Variants in HUNK observed in about 807,000 individuals in gnomAD.
HUNK encodes hormonally up-regulated neu tumor-associated kinase.
Under a neutral mutation model 61.0 loss-of-function variants are expected in HUNK, and 21 were observed. That is an observed-to-expected ratio of 0.34 (90% CI 0.24 to 0.50). The LOEUF is 0.50. Ranked by LOEUF, HUNK falls within the 20% of genes least tolerant of loss-of-function variation. The probability of loss-of-function intolerance (pLI) is 0.98; values close to 1 mark genes in which losing one functional copy is unlikely to be tolerated. For missense variants in HUNK, 772 were observed against 945.7 expected (o/e 0.82, Z 2.41); for synonymous variants, 371 against 386.1 (o/e 0.96, Z 0.46).
At chr21:31,883,632 G>A (rs1436061320) in intron 1 of HUNK, among the ~76,000 whole-genome samples, 1 of 152,124 alleles carries the variant, frequency 6.6e-6, no homozygotes, top group African/African-American at 2.4e-5. Flanking sequence ...TTTCTTGGGA[G>A]TTCATGAACT....
chr21:31,973,581 G>GTGGTGA (rs1555880856), intron 6 of HUNK, among the ~76,000 whole-genome samples: 4 of 150,202 alleles, frequency 2.7e-5, no homozygotes, highest in Non-Finnish European at 4.4e-5. Flanking sequence ...GATGGTGGTG[G>GTGGTGA]TGATGATGAT....
Position 31,999,946 on chromosome 21 carries a change from AGCAATTC to A in HUNK, c.*763_*769del. 1 of 393,488 alleles carries A rather than the reference AGCAATTC, an allele frequency of 2.5e-6. No homozygotes were observed. The highest frequency in any genetic ancestry group is 4.5e-6 in the Non-Finnish European group (1 of 223,206). The allele number at this position is 393,488 out of a possible 1,614,324, so 24.4% of individuals were successfully genotyped here. ...TTAAAACTTGGATGGAGAGATGAGA[AGCAATTC>A]CACCAAACTCATGTTTTCACAGGAG... On this transcript the variant is annotated 3_prime_UTR_variant, in exon 11 of 11. Coordinates refer to ENST00000270112, the MANE Select transcript of HUNK (RefSeq NM_014586.2).
At chr21:31,900,908 A>G (rs776851718) in intron 1 of HUNK, among the ~76,000 whole-genome samples, 1 of 152,160 alleles carries the variant, frequency 6.6e-6, no homozygotes, top group African/African-American at 2.4e-5. Context: ...GTAACCCAGA[A>G]GGAGCTGGAA....
intron 4 of HUNK, among the ~76,000 whole-genome samples, chr21:31,949,357 C>T (rs550810051): frequency 6.6e-5 from 10 of 152,252 alleles, no homozygotes; most frequent in Non-Finnish European, 8.8e-5. Flanking sequence ...CAGCCCCTCC[C>T]GGCAGCTAAT....
At chr21:31,969,406 C>G (rs969419901) in intron 6 of HUNK, among the ~76,000 whole-genome samples, 1 of 152,194 alleles carries the variant, frequency 6.6e-6, no homozygotes, top group Middle Eastern at 3.2e-3. Context: ...TCCCTATGAA[C>G]TTTCCGTGAA....
intron 1 of HUNK, among the ~76,000 whole-genome samples, chr21:31,899,641 C>T (rs1485848122): frequency 2.0e-5 from 3 of 152,160 alleles, no homozygotes; most frequent in Non-Finnish European, 1.5e-5. Context: ...TGTTCTAAAC[C>T]AAACTCGTTG....
chr21:31,907,797 C>T (rs2052516581), intron 1 of HUNK, among the ~76,000 whole-genome samples: 1 of 152,094 alleles, frequency 6.6e-6, no homozygotes, highest in Non-Finnish European at 1.5e-5. Flanking sequence ...TGAGACCAGC[C>T]TGGCCAACAT....
intron 1 of HUNK, among the ~76,000 whole-genome samples, chr21:31,886,361 C>T (rs966808604): frequency 6.0e-5 from 9 of 149,526 alleles, no homozygotes; most frequent in South Asian, 2.1e-4. Flanking sequence ...GGGAGGCGGA[C>T]GTTGCAGCGA....
rs2053254060 is a variant in HUNK, at chr21:32,002,632, T to C, written c.*3448T>C. The C allele has an allele frequency of 6.6e-6, 1 of 152,220 alleles. No homozygotes were observed. The highest frequency in any genetic ancestry group is 1.5e-5 in the Non-Finnish European group (1 of 68,050). 9.4% of individuals were successfully genotyped at this position (152,220 alleles called of 1,614,324 possible). ...AAGAATGGCAGTTATGAACGTGACT[T>C]CTAGATTTTGTCCTTGTAGGAGGCC... On this transcript the variant is annotated 3_prime_UTR_variant, in exon 11 of 11. Coordinates refer to ENST00000270112, the MANE Select transcript of HUNK (RefSeq NM_014586.2).
At chr21:31,915,856 G>A (rs573438487) in intron 1 of HUNK, among the ~76,000 whole-genome samples, 72 of 152,190 alleles carry the variant, frequency 4.7e-4, no homozygotes, top group African/African-American at 1.7e-3. Flanking sequence ...ATAGAGTTCA[G>A]CCTTCTTTTT....
chr21:31,906,209 A>G (rs2052504137), intron 1 of HUNK, among the ~76,000 whole-genome samples: 1 of 152,166 alleles, frequency 6.6e-6, no homozygotes, highest in South Asian at 2.1e-4. Context: ...CTTGGCCACC[A>G]TTATTATCCC....
intron 2 of HUNK, among the ~76,000 whole-genome samples, chr21:31,934,227 G>A (rs569729208): frequency 6.6e-6 from 1 of 152,048 alleles, no homozygotes; most frequent in South Asian, 2.1e-4. Context: ...AGGCTGAGGC[G>A]GGCGGATCAC....
At chr21:31,941,166 A>C (rs1364788230) in intron 3 of HUNK, among the ~76,000 whole-genome samples, 1 of 152,198 alleles carries the variant, frequency 6.6e-6, no homozygotes, top group African/African-American at 2.4e-5. Flanking sequence ...ATTAAACACC[A>C]CTGATAGGTG....
intron 3 of HUNK, among the ~76,000 whole-genome samples, chr21:31,942,558 A>C (rs1229488912): frequency 6.6e-6 from 1 of 152,184 alleles, no homozygotes; most frequent in African/African-American, 2.4e-5. Flanking sequence ...CAGTCAAGTG[A>C]GGAAATTATA....
chr21:31,907,645 G>C (rs2052515444), intron 1 of HUNK, among the ~76,000 whole-genome samples: 1 of 152,124 alleles, frequency 6.6e-6, no homozygotes, highest in South Asian at 2.1e-4. Flanking sequence ...AAGTAGAGAG[G>C]AGTCACAACC....
rs1255826451 is a variant in HUNK, at chr21:32,000,449, T to A, written c.*1265T>A. The A allele has an allele frequency of 5.0e-6, 2 of 399,044 alleles. No individual in the cohort carries two copies. Among genetic ancestry groups the A allele is most frequent in the African/African-American group, 2.1e-5 (1 of 48,640 alleles). 24.7% of individuals were successfully genotyped at this position (399,044 alleles called of 1,614,324 possible). On this transcript the variant is annotated 3_prime_UTR_variant, in exon 11 of 11. Coordinates refer to ENST00000270112, the MANE Select transcript of HUNK (RefSeq NM_014586.2). The stretch of plus-strand genomic sequence containing the variant: ...TGTCTGTGCCCCTGTGTGTGTTTTG[T>A]GGACAGCCGTGTTGTCTGACTGTAT...
intron 4 of HUNK, among the ~76,000 whole-genome samples, chr21:31,955,146 C>T (rs928013675): frequency 6.6e-6 from 1 of 152,154 alleles, no homozygotes; most frequent in Non-Finnish European, 1.5e-5. Flanking sequence ...GAGGACGAAC[C>T]ACACGCTATT....
chr21:31,959,031 A>C, intron 5 of HUNK, 61 bp downstream of exon 5: 5 of 1,425,038 alleles, frequency 3.5e-6, no homozygotes, highest in Non-Finnish European at 4.7e-6. Flanking sequence ...GTTCGGGTCT[A>C]CCTGTGAAAC....
intron 1 of HUNK, among the ~76,000 whole-genome samples, chr21:31,918,234 CAG>C (rs932757235): frequency 5.3e-5 from 8 of 152,034 alleles, no homozygotes; most frequent in South Asian, 2.1e-4. Flanking sequence ...GCTTGTAAGT[CAG>C]GGGGTGGATG....
Sources: allele counts gnomAD v4.1 joint callset (sites outside exome capture counted in the v4.1 genomes callset), GRCh38; gene constraint gnomAD v4.1.1; transcripts MANE v1.5; gene names NCBI Gene and HGNC (gene_info 2026-07-23, HGNC 2026-07-21).